Variants in SNAPC3 observed in about 807,000 individuals in gnomAD.
SNAPC3 encodes small nuclear RNA activating complex polypeptide 3.
In SNAPC3, 56 loss-of-function variants were observed where a neutral mutation model predicts 47.7. The ratio of observed to expected loss-of-function variants is 1.18; its 90% CI spans 0.95 to 1.47. The LOEUF is 1.47. Among genes scored for constraint, SNAPC3 ranks in the 40% most tolerant of loss-of-function variants. SNAPC3 has a pLI of 0.00. For missense variants in SNAPC3, 665 were observed against 511.3 expected (o/e 1.30, Z -2.90); for synonymous variants, 235 against 189.9 (o/e 1.24, Z -1.95).
intron 5 of SNAPC3, among the ~76,000 whole-genome samples, chr9:15,447,555 G>T (rs764390047): frequency 6.6e-6 from 1 of 151,026 alleles, no homozygotes; most frequent in African/African-American, 2.4e-5. Flanking sequence ...ACAGAGTCTC[G>T]CTCTGCCGCC....
intron 3 of SNAPC3, among the ~76,000 whole-genome samples, chr9:15,434,159 A>G (rs968230507): frequency 3.4e-4 from 51 of 152,198 alleles, no homozygotes; most frequent in African/African-American, 1.2e-3. Flanking sequence ...ATAACATAAA[A>G]TTTACCATTT....
At chr9:15,427,655 A>G (rs73413278) in intron 2 of SNAPC3, among the ~76,000 whole-genome samples, 6,086 of 152,284 alleles carry the variant, frequency 0.04, 387 homozygotes, top group African/African-American at 0.14. Context: ...CCCTTCAGCA[A>G]CATTACTTTT....
At chr9:15,452,722 A>C (rs1009557303) in intron 6 of SNAPC3, among the ~76,000 whole-genome samples, 2 of 152,246 alleles carry the variant, frequency 1.3e-5, no homozygotes, top group African/African-American at 4.8e-5. Flanking sequence ...ACTAAGAAGT[A>C]TTTGAAATAT....
intron 2 of SNAPC3, among the ~76,000 whole-genome samples, chr9:15,425,507 C>T (rs1178819374): frequency 6.6e-6 from 1 of 152,188 alleles, no homozygotes; most frequent in Non-Finnish European, 1.5e-5. Context: ...CGTGAGCCGC[C>T]ACACCTTGCC....
At position 15,444,752 on chromosome 9, in the gene SNAPC3, G is replaced by A. The variant is rs373256853; in HGVS notation, c.582+46G>A. 20 of 1,011,194 alleles carry A rather than the reference G, an allele frequency of 2.0e-5. No homozygotes were observed. The African/African-American group carries it at 3.1e-4, about 16-fold the overall frequency. The allele number at this position is 1,011,194 out of a possible 1,614,324, so 62.6% of individuals were successfully genotyped here. A position where few individuals can be genotyped will look rare whatever the true frequency, so the allele number is the denominator to read the frequency against. On this transcript the variant is annotated intron_variant, in intron 4 of 8. Transcript: ENST00000380821. ...GATTTTATGGATAATAGTAACTTTT[G>A]TAAAAGTGTTTAATTATTTGAAGAG...
intron 2 of SNAPC3, among the ~76,000 whole-genome samples, chr9:15,432,962 A>G (rs1011358983): frequency 4.6e-5 from 7 of 152,222 alleles, no homozygotes; most frequent in Non-Finnish European, 1.0e-4. Context: ...CTGGTGCAGG[A>G]ACCTGGCAGA....
rs2131922591 is a variant in SNAPC3, at chr9:15,451,216, A to AAT, written c.733-104_733-103insAT. The AAT allele has an allele frequency of 1.3e-5, 6 of 456,044 alleles. 1 individual carries two copies. The East Asian group carries it at 2.0e-4, about 15-fold the overall frequency. 28.2% of individuals were successfully genotyped at this position (456,044 alleles called of 1,614,324 possible). ...GAAAATAGTAGCAGTTTTTTAACAC[A>AAT]TATTAGTGTGATTTTATGATATATC... is the stretch of plus-strand genomic sequence containing the variant. On this transcript the variant is annotated intron_variant, in intron 5 of 8. Transcript: ENST00000380821.
At chr9:15,436,863 G>A (rs1329024329) in intron 3 of SNAPC3, among the ~76,000 whole-genome samples, 1 of 101,824 alleles carries the variant, frequency 9.8e-6, no homozygotes, top group African/African-American at 3.9e-5. Flanking sequence ...TGCTCTTGTT[G>A]CCCAGGCTGG....
At chr9:15,433,093 A>T (rs1403316350) in intron 2 of SNAPC3, among the ~76,000 whole-genome samples, 1 of 152,206 alleles carries the variant, frequency 6.6e-6, no homozygotes, top group Non-Finnish European at 1.5e-5. Flanking sequence ...TATTCCTATC[A>T]TGAGGAACTA....
Position 15,444,601 on chromosome 9 carries a change from G to A in SNAPC3, c.478-1G>A. On this transcript the variant is annotated splice_acceptor_variant, in intron 3 of 8. Transcript: ENST00000380821. LOFTEE classifies it high-confidence loss of function. ...TTCAGTGTCTCTTTTTCTTTCTTCA[G>A]GAGTCACATGCCATAGGAAAAAAGC... The A allele has an allele frequency of 2.5e-6, 4 of 1,585,576 alleles. No individual in the cohort carries two copies. The highest frequency in any genetic ancestry group is 3.5e-6 in the Non-Finnish European group (4 of 1,155,186).
At chr9:15,442,415 G>A (rs533230836) in intron 3 of SNAPC3, among the ~76,000 whole-genome samples, 9 of 151,082 alleles carry the variant, frequency 6.0e-5, no homozygotes, top group East Asian at 4.0e-4. Context: ...CCTCCCAGAC[G>A]GGGCGGCTGC....
intron 2 of SNAPC3, among the ~76,000 whole-genome samples, chr9:15,426,907 C>A (rs931025291): frequency 1.3e-5 from 2 of 152,106 alleles, no homozygotes; most frequent in African/African-American, 4.8e-5. Flanking sequence ...CCATTGTTAA[C>A]CTTAATGGTC....
chr9:15,464,951 A>C (rs2035511067), downstream of SNAPC3: 1 of 216,156 alleles, frequency 4.6e-6, no homozygotes, highest in Non-Finnish European at 9.3e-6. Context: ...TACAGAGCAC[A>C]CATTGTTCCA....
intron 1 of SNAPC3, among the ~76,000 whole-genome samples, chr9:15,423,403 G>T (rs990080838): frequency 7.2e-5 from 11 of 152,196 alleles, no homozygotes; most frequent in Admixed American, 5.2e-4. Context: ...ACGAGTTGGA[G>T]CAAAGGGACA....
intron 2 of SNAPC3, among the ~76,000 whole-genome samples, chr9:15,432,652 AC>A (rs1178000710): frequency 7.2e-5 from 11 of 152,350 alleles, no homozygotes; most frequent in African/African-American, 2.6e-4. Flanking sequence ...CCAGAATAAA[AC>A]AATTATCTGT....
downstream of SNAPC3, chr9:15,465,313 ATTTAC>A: frequency 2.1e-6 from 1 of 477,300 alleles, no homozygotes; most frequent in Non-Finnish European, 3.6e-6. Context: ...TTTATCCCAC[ATTTAC>A]TGTATAATGT....
chr9:15,459,789 C>G lies in SNAPC3; in HGVS notation c.1159C>G (p.Leu387Val). Residue 387 changes from leucine (L) to valine (V), a missense_variant, in exon 9 of 9, where the codon CTG becomes GTG. Coordinates refer to ENST00000380821, the MANE Select transcript of SNAPC3 (RefSeq NM_001039697.2). Reference protein sequence around the residue: ...CFFCDVCFRMLHYDSEGNKLG... With the variant: ...CFFCDVCFRMVHYDSEGNKLG... ...CTTTTGTGATGTTTGCTTCCGAATG[C>G]TGCACTATGATTCAGAAGGCAACAA... is the stretch of plus-strand genomic sequence containing the variant. The G allele has an allele frequency of 1.2e-6, 2 of 1,613,162 alleles. No homozygotes were observed. Among genetic ancestry groups the G allele is most frequent in the South Asian group, 1.1e-5 (1 of 90,954 alleles).
In SNAPC3 at chr9:15,459,733, A is replaced by G. The variant is rs767157986; in HGVS notation, c.1103A>G (p.Asn368Ser). Residue 368 changes from asparagine (N) to serine (S), a missense_variant, in exon 9 of 9, where the codon AAT becomes AGT. Transcript: ENST00000380821. Reference sequence around the variant, plus strand: ...AAAAACTACAGATGGGTGACGAACAATGACAGTTTTGCACCAGAGGACCCA... The same window carrying G: ...AAAAACTACAGATGGGTGACGAACAGTGACAGTTTTGCACCAGAGGACCCA... ...KMYTARWVTN[N>S]DSFAPEDPCF... 20 of 1,613,100 alleles carry G rather than the reference A, an allele frequency of 1.2e-5. No homozygotes were observed. Among genetic ancestry groups the G allele is most frequent in the Non-Finnish European group, 1.7e-5 (20 of 1,179,658 alleles).
downstream of SNAPC3, chr9:15,465,461 T>C (rs1445920725): frequency 5.0e-6 from 7 of 1,412,436 alleles, no homozygotes; most frequent in Non-Finnish European, 5.9e-6. Flanking sequence ...CAGCAGTCTA[T>C]TTCAAATGAA....
Sources: allele counts gnomAD v4.1 joint callset (sites outside exome capture counted in the v4.1 genomes callset), GRCh38; gene constraint gnomAD v4.1.1; transcripts MANE v1.5; gene names NCBI Gene and HGNC (gene_info 2026-07-23, HGNC 2026-07-21).